KIF6: variants seen among roughly 807,000 people sequenced by gnomAD.
The protein encoded by KIF6 is kinesin family member 6.
In KIF6, 106 loss-of-function variants were observed where a neutral mutation model predicts 112.7. That is an observed-to-expected ratio of 0.94 (90% CI 0.80 to 1.11). The LOEUF is 1.11. KIF6 is among the 50% of genes least tolerant of loss of function. KIF6 has a pLI of 0.00. For synonymous variants in KIF6, 339 were observed against 339.9 expected, an observed-to-expected ratio of 1.00 and a Z score of 0.03; for missense variants, 929 against 964.0, an observed-to-expected ratio of 0.96 and a Z score of 0.48.
At chr6:39,571,624 T>C (rs1780644793) in intron 10 of KIF6, among the ~76,000 whole-genome samples, 1 of 152,226 alleles carries the variant, frequency 6.6e-6, no homozygotes, top group Non-Finnish European at 1.5e-5. Context: ...ATTAAATGAA[T>C]GAATGAATTT....
chr6:39,550,983 T>C (rs1779344536), intron 10 of KIF6, among the ~76,000 whole-genome samples: 1 of 152,258 alleles, frequency 6.6e-6, no homozygotes, highest in African/African-American at 2.4e-5. Context: ...ATTTTCTTTA[T>C]CTATTCATCT....
At chr6:39,536,279 G>GT (rs1562297043) in intron 13 of KIF6, among the ~76,000 whole-genome samples, 1 of 151,010 alleles carries the variant, frequency 6.6e-6, no homozygotes, top group African/African-American at 2.4e-5. Context: ...TCCAGGAGCT[G>GT]GTTTTTTTAA....
At chr6:39,627,405 G>A (rs112460087) in intron 5 of KIF6, among the ~76,000 whole-genome samples, 238 of 152,024 alleles carry the variant, frequency 1.6e-3, no homozygotes, top group African/African-American at 5.5e-3. Context: ...TCTCTGCTAC[G>A]AGTTCCAGGG....
In KIF6 at chr6:39,540,160, A is replaced by G. The variant is rs1402436095; in HGVS notation, c.1488T>C (p.Ala496=). 6.2e-7 allele frequency: 1 copy of G among 1,614,092 alleles called. No individual in the cohort carries two copies. The highest frequency in any genetic ancestry group is 8.5e-7 in the Non-Finnish European group (1 of 1,180,010). The change falls in exon 13 of 23, where the codon GCT becomes GCC. Residue 496 remains alanine, a synonymous_variant. Coordinates refer to ENST00000287152, the MANE Select transcript of KIF6 (RefSeq NM_145027.6). ...KKKAQEALHL[A]GMDRREFRQS... ...GTCTGAATTCACGTCTATCCATGCC[A>G]GCCAAGTGGAGAGCCTCCTGAGCTT...
At chr6:39,495,426 AC>A (rs1775728333) in intron 13 of KIF6, among the ~76,000 whole-genome samples, 1 of 152,060 alleles carries the variant, frequency 6.6e-6, no homozygotes, top group African/African-American at 2.4e-5. Context: ...TCCCAGCCCC[AC>A]CCTAGCTTGA....
chr6:39,442,091 G>A lies in KIF6; in HGVS notation c.1646-10930C>T, dbSNP rs559650282. On this transcript the variant is annotated intron_variant, in intron 13 of 22. Transcript: ENST00000287152. ...TGATGCCAGAAATCACACATCCCAC[G>A]GGCAACCCACACTGGCCCAGCAGTG... Among the ~76,000 whole-genome samples, 5 of 152,244 alleles carry A rather than the reference G, an allele frequency of 3.3e-5. No individual in the cohort carries two copies. In the South Asian group the frequency reaches 6.2e-4, roughly 19 times the overall value.
chr6:39,607,586 A>ATT (rs1782962255), intron 6 of KIF6, among the ~76,000 whole-genome samples: 1 of 151,616 alleles, frequency 6.6e-6, no homozygotes, highest in African/African-American at 2.4e-5. Flanking sequence ...TGCTATTCTT[A>ATT]TTTATTTATT....
intron 3 of KIF6, among the ~76,000 whole-genome samples, chr6:39,692,577 T>C (rs540931982): frequency 6.6e-6 from 1 of 152,300 alleles, no homozygotes; most frequent in South Asian, 2.1e-4. Flanking sequence ...AATCTTAGGT[T>C]GACAACATCA....
chr6:39,378,054 A>G lies in KIF6; in HGVS notation c.1861+7568T>C, dbSNP rs1030654652. On this transcript the variant is annotated intron_variant, in intron 16 of 22. Coordinates refer to ENST00000287152, the MANE Select transcript of KIF6 (RefSeq NM_145027.6). This position sits in a 1 kb window ranked among gnomAD's most constrained non-coding sequence, Gnocchi z 5.0. ...TTTAATTAATACTATCAGTATAACT[A>G]TCTTCTATAACAGTATATGAAACAT... Among the ~76,000 whole-genome samples, 6 of 152,244 alleles carry G rather than the reference A, an allele frequency of 3.9e-5. No individual in the cohort carries two copies. The highest frequency in any genetic ancestry group is 4.1e-4 in the South Asian group (2 of 4,820).
intron 5 of KIF6, among the ~76,000 whole-genome samples, chr6:39,631,505 T>G (rs1784349525): frequency 6.6e-6 from 1 of 152,184 alleles, no homozygotes; most frequent in Non-Finnish European, 1.5e-5. Context: ...TGTTAAATAC[T>G]ATTTCTGAGC....
chr6:39,448,906 C>G (rs1437172889), intron 13 of KIF6, among the ~76,000 whole-genome samples: 2 of 152,184 alleles, frequency 1.3e-5, no homozygotes, highest in African/African-American at 2.4e-5. Context: ...ATTCTAAGCT[C>G]TATCCCAAGC....
intron 10 of KIF6, among the ~76,000 whole-genome samples, chr6:39,550,359 T>C (rs1779300199): frequency 6.6e-6 from 1 of 151,998 alleles, no homozygotes; most frequent in Admixed American, 6.5e-5. Flanking sequence ...ATGCTGGCTG[T>C]TTCCAAATAA....
chr6:39,615,773 C>G (rs1019703564), intron 5 of KIF6, among the ~76,000 whole-genome samples: 2 of 152,048 alleles, frequency 1.3e-5, no homozygotes, highest in African/African-American at 4.8e-5. Flanking sequence ...TGTAAAACAC[C>G]TGAAGACACT....
intron 13 of KIF6, among the ~76,000 whole-genome samples, chr6:39,445,061 A>G (rs145851250): frequency 6.6e-4 from 101 of 152,322 alleles, no homozygotes; most frequent in African/African-American, 2.1e-3. Context: ...CTCTGCCATT[A>G]AGGACTTTTT....
chr6:39,710,484 C>G (rs1413839704), intron 3 of KIF6, among the ~76,000 whole-genome samples: 2 of 148,350 alleles, frequency 1.3e-5, no homozygotes, highest in Non-Finnish European at 3.0e-5. Flanking sequence ...AAAAAAAAAC[C>G]CAGTGTTTCA....
At chr6:39,532,479 T>G (rs1242692130) in intron 13 of KIF6, among the ~76,000 whole-genome samples, 2 of 152,198 alleles carry the variant, frequency 1.3e-5, no homozygotes, top group Admixed American at 6.5e-5. Context: ...CCAGCAAAGA[T>G]GTATAGAAAA....
In KIF6 at chr6:39,343,693, AG is replaced by A; in HGVS notation, c.2428+15del. The A allele has an allele frequency of 6.3e-7, 1 of 1,578,332 alleles. No individual in the cohort carries two copies. ...ACCTGCTGCCCAGGAGGAGCCACCGAGGGAGGTGCACTTACATTGCTTCTGC... is the reference window on the plus strand; with the variant it reads ...ACCTGCTGCCCAGGAGGAGCCACCGAGGAGGTGCACTTACATTGCTTCTGC... On this transcript the variant is annotated intron_variant, in intron 22 of 22. Coordinates refer to ENST00000287152, the MANE Select transcript of KIF6 (RefSeq NM_145027.6). The surrounding 1 kb of genome is among the most constrained non-coding windows in gnomAD (Gnocchi z 4.1).
At chr6:39,431,748 C>T (rs1435411879) in intron 13 of KIF6, among the ~76,000 whole-genome samples, 2 of 152,152 alleles carry the variant, frequency 1.3e-5, no homozygotes, top group Admixed American at 6.5e-5. Flanking sequence ...TCTCTAACTT[C>T]AATATCCTGT....
chr6:39,639,313 A>G (rs544452360), intron 4 of KIF6, among the ~76,000 whole-genome samples: 1 of 152,234 alleles, frequency 6.6e-6, no homozygotes, highest in Admixed American at 6.6e-5. Flanking sequence ...CTTGAGGAAT[A>G]TAAGATATTA....
Sources: gnomAD v4.1 joint callset for allele counts (sites outside exome capture counted in the v4.1 genomes callset) on GRCh38, gnomAD v4.1.1 for gene constraint, Gnocchi (gnomAD v3.1) non-coding constraint, MANE v1.5 for transcripts, NCBI Gene and HGNC (gene_info 2026-07-23, HGNC 2026-07-21) for gene names.